The following ZNF644 variants were observed in gnomAD, a reference collection of about 807,000 sequenced individuals.
The protein encoded by ZNF644 is zinc finger protein 644, also known as zinc finger motif enhancer binding protein 2.
Under a neutral mutation model 108.0 loss-of-function variants are expected in ZNF644, and 20 were observed. The ratio of observed to expected loss-of-function variants is 0.19; its 90% CI spans 0.13 to 0.27. The LOEUF (loss-of-function observed/expected upper bound fraction) is 0.27. ZNF644 is among the 10% of genes least tolerant of loss of function. The pLI, the probability that ZNF644 is intolerant of heterozygous loss-of-function variation, is 1.00. For synonymous variants in ZNF644, 542 were observed against 539.1 expected (o/e 1.01, Z -0.08); for missense variants, 1,338 against 1,548.9 (o/e 0.86, Z 2.29).
At chr1:90,997,109 GC>G (rs1658217175) in intron 1 of ZNF644, among the ~76,000 whole-genome samples, 1 of 152,164 alleles carries the variant, frequency 6.6e-6, no homozygotes, top group Non-Finnish European at 1.5e-5. Flanking sequence ...AAAGCTGGGG[GC>G]TTTGTAAAGC....
intron 2 of ZNF644, among the ~76,000 whole-genome samples, chr1:90,961,614 A>T (rs1654352389): frequency 6.6e-6 from 1 of 152,124 alleles, no homozygotes; most frequent in Non-Finnish European, 1.5e-5. Flanking sequence ...CATTAAAGAG[A>T]TTTTTAAAAC....
intron 1 of ZNF644, among the ~76,000 whole-genome samples, chr1:91,016,945 G>T (rs1257022115): frequency 2.6e-5 from 4 of 152,248 alleles, no homozygotes; most frequent in African/African-American, 9.6e-5. Context: ...TGATTCTCCT[G>T]CCTCGGCCTC....
At chr1:90,918,459 G>C (rs183149846) in intron 4 of ZNF644, 1 of 264,276 alleles carries the variant, frequency 3.8e-6, no homozygotes, top group Admixed American at 4.8e-5. Context: ...TAACTTGAAA[G>C]TACTAAATTG....
rs768710474 is a variant in ZNF644, at chr1:90,916,647, A to G, written c.*151T>C. 5 of 779,172 alleles carry G rather than the reference A, an allele frequency of 6.4e-6. No homozygotes were observed. Among genetic ancestry groups the G allele is most frequent in the Non-Finnish European group, 1.1e-5 (5 of 472,592 alleles). The allele number at this position is 779,172 out of a possible 1,614,324, so 48.3% of individuals were successfully genotyped here. On this transcript the variant is annotated 3_prime_UTR_variant, in exon 6 of 6. Coordinates refer to ENST00000337393, the MANE Select transcript of ZNF644 (RefSeq NM_201269.3). ...AATATATAGACTACTTACTGTTTTA[A>G]GTATTCAATTTGCTCTGATGTCACT...
At chr1:90,994,164 G>A (rs1315263372) in intron 1 of ZNF644, among the ~76,000 whole-genome samples, 3 of 152,214 alleles carry the variant, frequency 2.0e-5, no homozygotes, top group Admixed American at 6.5e-5. Flanking sequence ...TTATGAGAAC[G>A]ATGTAGGTTA....
intron 2 of ZNF644, among the ~76,000 whole-genome samples, chr1:90,967,820 G>T (rs1655070559): frequency 6.6e-6 from 1 of 151,352 alleles, no homozygotes; most frequent in Non-Finnish European, 1.5e-5. Context: ...GGTAGAGGTG[G>T]GTGGATCACA....
chr1:90,964,373 A>G (rs1570448523), intron 2 of ZNF644, among the ~76,000 whole-genome samples: 1 of 152,138 alleles, frequency 6.6e-6, no homozygotes, highest in African/African-American at 2.4e-5. Context: ...TTAAGACAGA[A>G]TGATAAATGA....
At chr1:90,929,094 T>C (rs1454548259) in intron 4 of ZNF644, among the ~76,000 whole-genome samples, 1 of 152,208 alleles carries the variant, frequency 6.6e-6, no homozygotes, top group Non-Finnish European at 1.5e-5. Flanking sequence ...ACAAGAAGCA[T>C]ACCAGCATGA....
chr1:91,002,334 T>C (rs376898787), intron 1 of ZNF644, among the ~76,000 whole-genome samples: 4 of 152,076 alleles, frequency 2.6e-5, no homozygotes, highest in South Asian at 4.2e-4. Flanking sequence ...AACAGAGATA[T>C]AGACCAATGG....
intron 1 of ZNF644, among the ~76,000 whole-genome samples, chr1:90,992,119 A>C (rs1451749169): frequency 6.6e-6 from 1 of 152,178 alleles, no homozygotes; most frequent in Admixed American, 6.5e-5. Flanking sequence ...AAATGACCTA[A>C]AGCAGATCAT....
intron 1 of ZNF644, among the ~76,000 whole-genome samples, chr1:90,988,866 A>G (rs756562512): frequency 2.0e-5 from 3 of 152,198 alleles, no homozygotes; most frequent in Non-Finnish European, 4.4e-5. Context: ...CCTTACTTAC[A>G]CCACATACAA....
intron 2 of ZNF644, among the ~76,000 whole-genome samples, chr1:90,942,178 A>G (rs1173223824): frequency 6.6e-6 from 1 of 152,212 alleles, no homozygotes; most frequent in East Asian, 1.9e-4. Context: ...GGTCTAGTGC[A>G]ATGGCCTAAC....
At chr1:90,930,924 T>A (rs529248063) in intron 4 of ZNF644, among the ~76,000 whole-genome samples, 1 of 152,336 alleles carries the variant, frequency 6.6e-6, no homozygotes, top group South Asian at 2.1e-4. Flanking sequence ...TGAAATTCAC[T>A]CTTATTTTGA....
intron 1 of ZNF644, among the ~76,000 whole-genome samples, chr1:91,017,786 A>G (rs1660557523): frequency 6.6e-6 from 1 of 151,960 alleles, no homozygotes; most frequent in South Asian, 2.1e-4. Flanking sequence ...ACATGATGAA[A>G]CCCCATCTCT....
chr1:91,003,041 GA>G (rs1659038800), intron 1 of ZNF644, among the ~76,000 whole-genome samples: 1 of 152,260 alleles, frequency 6.6e-6, no homozygotes, highest in Non-Finnish European at 1.5e-5. Flanking sequence ...ACAGGTGCTG[GA>G]GAGGATGTGG....
At chr1:90,955,692 G>A (rs1184884557) in intron 2 of ZNF644, among the ~76,000 whole-genome samples, 1 of 152,188 alleles carries the variant, frequency 6.6e-6, no homozygotes, top group Non-Finnish European at 1.5e-5. Context: ...TTTTGATCTG[G>A]ATTAAGCTTT....
At chr1:90,973,486 G>A (rs1444794992) in intron 2 of ZNF644, among the ~76,000 whole-genome samples, 4 of 152,130 alleles carry the variant, frequency 2.6e-5, no homozygotes, top group African/African-American at 9.7e-5. Context: ...TCTGTAAAAT[G>A]AGGATTGAGT....
At chr1:90,951,136 T>A (rs150798793) in intron 2 of ZNF644, among the ~76,000 whole-genome samples, 1 of 152,236 alleles carries the variant, frequency 6.6e-6, no homozygotes, top group East Asian at 1.9e-4. Context: ...ATCACTGCTA[T>A]ACCCAGATCC....
At chr1:91,003,186 T>C (rs572912575) in intron 1 of ZNF644, among the ~76,000 whole-genome samples, 1,923 of 145,352 alleles carry the variant, frequency 0.013, 38 homozygotes, top group African/African-American at 0.045. Context: ...ACTGGGTATA[T>C]ACCCAAAGGA....
Sources: gnomAD v4.1 joint callset for allele counts (sites outside exome capture counted in the v4.1 genomes callset) on GRCh38, gnomAD v4.1.1 for gene constraint, MANE v1.5 for transcripts, NCBI Gene and HGNC (gene_info 2026-07-23, HGNC 2026-07-21) for gene names.